Variants in CDH11 observed in about 807,000 individuals in gnomAD.
CDH11 encodes cadherin 11, also known as cadherin-11.
Under a neutral mutation model 67.8 loss-of-function variants are expected in CDH11, and 11 were observed. That is an observed-to-expected ratio of 0.16 (90% CI 0.10 to 0.27). The LOEUF is 0.27. Among genes scored for constraint, CDH11 ranks in the 10% least tolerant of loss-of-function variants. The pLI, the probability that CDH11 is intolerant of heterozygous loss-of-function variation, is 1.00. For missense variants in CDH11, 847 were observed against 1,031.2 expected (o/e 0.82, Z 2.45); for synonymous variants, 419 against 400.0 (o/e 1.05, Z -0.57).
intron 2 of CDH11, among the ~76,000 whole-genome samples, chr16:65,042,625 A>G (rs1369109543): frequency 6.6e-6 from 1 of 152,158 alleles, no homozygotes; most frequent in Non-Finnish European, 1.5e-5. Flanking sequence ...TTAAAACAGG[A>G]CGTCAATAAA....
At chr16:65,047,173 T>C (rs1210919367) in intron 2 of CDH11, among the ~76,000 whole-genome samples, 3 of 152,006 alleles carry the variant, frequency 2.0e-5, no homozygotes, top group Non-Finnish European at 4.4e-5. Context: ...TGTATACAAA[T>C]GTGGAGGAAG....
At chr16:64,971,842 G>C in intron 10 of CDH11, 89 bp downstream of exon 10, 1 of 1,475,876 alleles carries the variant, frequency 6.8e-7, no homozygotes, top group Non-Finnish European at 9.4e-7. Flanking sequence ...TTTTTGGGCA[G>C]TGGTTGGTAT....
At chr16:65,062,257 T>C (rs528006675) in intron 1 of CDH11, among the ~76,000 whole-genome samples, 5 of 152,298 alleles carry the variant, frequency 3.3e-5, no homozygotes, top group African/African-American at 1.2e-4. Flanking sequence ...GACAGTCTCT[T>C]ACATTTTACC....
chr16:65,030,959 A>T (rs1377688321), intron 2 of CDH11, among the ~76,000 whole-genome samples: 2 of 152,220 alleles, frequency 1.3e-5, no homozygotes, highest in Non-Finnish European at 2.9e-5. Flanking sequence ...GCCCTTCAGT[A>T]TTGACAGGTG....
intron 1 of CDH11, among the ~76,000 whole-genome samples, chr16:65,079,489 G>T (rs568846992): frequency 6.6e-6 from 1 of 152,098 alleles, no homozygotes; most frequent in Non-Finnish European, 1.5e-5. Context: ...ATGCATGTGC[G>T]TGTGTATGTG....
intron 1 of CDH11, among the ~76,000 whole-genome samples, chr16:65,068,741 G>A (rs2074364261): frequency 6.6e-6 from 1 of 152,122 alleles, no homozygotes; most frequent in Non-Finnish European, 1.5e-5. Context: ...TAAAGACCAG[G>A]TTAGCACTTC....
intron 2 of CDH11, among the ~76,000 whole-genome samples, chr16:65,050,538 G>A (rs952654326): frequency 6.6e-6 from 1 of 152,142 alleles, no homozygotes; most frequent in African/African-American, 2.4e-5. Context: ...AAAGTCATTG[G>A]TTAGTTTTGT....
intron 1 of CDH11, among the ~76,000 whole-genome samples, chr16:65,087,462 C>G (rs1293985421): frequency 6.6e-6 from 1 of 152,132 alleles, no homozygotes; most frequent in Non-Finnish European, 1.5e-5. Flanking sequence ...TAGGTGGACT[C>G]TAATGCAAAT....
chr16:64,967,802 G>T (rs1597028556), intron 11 of CDH11, among the ~76,000 whole-genome samples: 1 of 151,880 alleles, frequency 6.6e-6, no homozygotes, highest in East Asian at 1.9e-4. Flanking sequence ...ATTTTTGTTG[G>T]TTTGTATTTT....
intron 2 of CDH11, among the ~76,000 whole-genome samples, chr16:65,039,982 G>T (rs573752165): frequency 6.6e-6 from 1 of 152,336 alleles, no homozygotes; most frequent in Non-Finnish European, 1.5e-5. Context: ...GGCCATCAGA[G>T]AAATGCAAAT....
At chr16:65,049,905 G>A (rs892799205) in intron 2 of CDH11, among the ~76,000 whole-genome samples, 1 of 152,184 alleles carries the variant, frequency 6.6e-6, no homozygotes, top group Non-Finnish European at 1.5e-5. Flanking sequence ...AGCACAGAGA[G>A]TTAGGAAGCA....
intron 2 of CDH11, among the ~76,000 whole-genome samples, chr16:65,024,849 G>C (rs1253606502): frequency 6.6e-6 from 1 of 152,170 alleles, no homozygotes; most frequent in East Asian, 1.9e-4. Flanking sequence ...AAAACCAAGG[G>C]ATCAGGGAAC....
chr16:65,007,756 G>T (rs2073091834), intron 2 of CDH11, among the ~76,000 whole-genome samples: 1 of 152,274 alleles, frequency 6.6e-6, no homozygotes, highest in South Asian at 2.1e-4. Flanking sequence ...CTAGTGAGGG[G>T]CATTTCTTCT....
chr16:65,097,627 T>TTAC (rs2074922389), intron 1 of CDH11, among the ~76,000 whole-genome samples: 1 of 152,238 alleles, frequency 6.6e-6, no homozygotes, highest in African/African-American at 2.4e-5. Flanking sequence ...ATTATTATTA[T>TTAC]CAGTAGTAGT....
At chr16:65,033,237 A>AACACACACACAAAC (rs2073680612) in intron 2 of CDH11, among the ~76,000 whole-genome samples, 2 of 139,518 alleles carry the variant, frequency 1.4e-5, no homozygotes, top group South Asian at 4.7e-4. Context: ...AAACTAGGAA[A>AACACACACACAAAC]ACACACACAC....
chr16:65,092,746 G>T (rs1210008527), intron 1 of CDH11, among the ~76,000 whole-genome samples: 1 of 150,386 alleles, frequency 6.6e-6, no homozygotes, highest in Non-Finnish European at 1.5e-5. Context: ...TCTGTTCTTG[G>T]GACACTGAGG....
intron 2 of CDH11, among the ~76,000 whole-genome samples, chr16:65,025,171 A>C (rs1033393238): frequency 6.6e-6 from 1 of 152,172 alleles, no homozygotes; most frequent in Non-Finnish European, 1.5e-5. Flanking sequence ...TTTATGAAAA[A>C]AACAACAAAT....
intron 4 of CDH11, among the ~76,000 whole-genome samples, chr16:64,997,466 T>G (rs2072803676): frequency 6.6e-6 from 1 of 151,290 alleles, no homozygotes; most frequent in East Asian, 1.9e-4. Context: ...TTTTCCTGGA[T>G]TATATATTTT....
In CDH11 at chr16:64,972,972, T is replaced by G. The variant is rs1176026912; in HGVS notation, c.1322A>C (p.Lys441Thr). Reference protein sequence around the residue: ...FTINPEDGFIKTTKPLDREET... With the variant: ...FTINPEDGFITTTKPLDREET... ...CTCTCTATCCAGAGGTTTTGTAGTT[T>G]TAATAAAACCATCCTCTGGATTAAT... Residue 441 changes from lysine to threonine, a missense_variant, in exon 9 of 13, where the codon AAA becomes ACA. Lys to Thr is a moderately conservative substitution (Grantham distance 78). This residue lies in a region of CDH11 where 612 missense variants were observed against 678.7 expected (regional missense o/e 0.90). Transcript: ENST00000268603. The G allele has an allele frequency of 6.2e-7, 1 of 1,613,678 alleles. No individual in the cohort carries two copies. Among genetic ancestry groups the G allele is most frequent in the South Asian group, 1.1e-5 (1 of 91,084 alleles).
Sources: gnomAD v4.1 joint callset for allele counts (sites outside exome capture counted in the v4.1 genomes callset) on GRCh38, gnomAD v4.1.1 for gene constraint, gnomAD v4.1.1 regional missense constraint, MANE v1.5 for transcripts, NCBI Gene and HGNC (gene_info 2026-07-23, HGNC 2026-07-21) for gene names.